Variants in STK32B observed in about 807,000 individuals in gnomAD.
STK32B encodes serine/threonine-protein kinase 32B.
Under a neutral mutation model 52.6 loss-of-function variants are expected in STK32B, and 43 were observed. That is an observed-to-expected ratio of 0.82 (90% CI 0.64 to 1.05). The LOEUF (loss-of-function observed/expected upper bound fraction) is 1.05, where lower values mean the gene tolerates loss of function less well. Ranked by LOEUF, STK32B falls within the 50% of genes least tolerant of loss-of-function variation. STK32B has a pLI of 0.00. For synonymous variants in STK32B, 238 were observed against 204.3 expected (o/e 1.17, Z -1.41); for missense variants, 621 against 534.6 (o/e 1.16, Z -1.59).
intron 3 of STK32B, among the ~76,000 whole-genome samples, chr4:5,301,931 T>C (rs1001892954): frequency 6.6e-6 from 1 of 151,784 alleles, no homozygotes; most frequent in African/African-American, 2.4e-5. Context: ...ATTATGTAGT[T>C]ACTGATAAGG....
intron 1 of STK32B, among the ~76,000 whole-genome samples, chr4:5,110,607 C>T (rs1714352854): frequency 6.6e-6 from 1 of 152,090 alleles, no homozygotes; most frequent in African/African-American, 2.4e-5. Context: ...CAAAAGTTAA[C>T]TCAACATGGA....
chr4:5,042,286 C>T, the STK32B span, among the ~76,000 whole-genome samples: 52 of 152,304 alleles, frequency 3.4e-4, no homozygotes, highest in East Asian at 5.4e-3. Flanking sequence ...CCATAGTCTA[C>T]GTTCTGGGAA....
At chr4:5,408,775 A>C (rs11737848) in intron 5 of STK32B, among the ~76,000 whole-genome samples, 6,917 of 152,158 alleles carry the variant, frequency 0.045, 164 homozygotes, top group South Asian at 0.096. Context: ...ACCTGTCTGG[A>C]AAAGAGCCCC....
At chr4:5,448,364 T>C (rs1289811945) in intron 7 of STK32B, among the ~76,000 whole-genome samples, 39 of 152,232 alleles carry the variant, frequency 2.6e-4, no homozygotes. Context: ...TTTCCTTTGA[T>C]ATATATACTC....
At chr4:5,101,298 G>A (rs903366321) in intron 1 of STK32B, among the ~76,000 whole-genome samples, 3 of 152,148 alleles carry the variant, frequency 2.0e-5, no homozygotes, top group East Asian at 1.9e-4. Flanking sequence ...GCACTGTTCC[G>A]CAGCATGCCT....
intron 3 of STK32B, among the ~76,000 whole-genome samples, chr4:5,311,392 G>C (rs1730278606): frequency 6.6e-6 from 1 of 151,872 alleles, no homozygotes; most frequent in African/African-American, 2.4e-5. Context: ...AAATTAAAAA[G>C]AGCAAAATAA....
intron 3 of STK32B, among the ~76,000 whole-genome samples, chr4:5,203,279 A>G (rs1377846786): frequency 6.6e-6 from 1 of 152,192 alleles, no homozygotes; most frequent in Non-Finnish European, 1.5e-5. Context: ...CTCCAGAGGA[A>G]TTAAATTACT....
chr4:5,254,976 A>G (rs1577252410), intron 3 of STK32B, among the ~76,000 whole-genome samples: 1 of 151,374 alleles, frequency 6.6e-6, no homozygotes, highest in African/African-American at 2.5e-5. Flanking sequence ...ATATATATAT[A>G]TGTTTATTGA....
chr4:5,481,780 T>C (rs1718733783), intron 11 of STK32B, among the ~76,000 whole-genome samples: 1 of 152,220 alleles, frequency 6.6e-6, no homozygotes, highest in South Asian at 2.1e-4. Flanking sequence ...AAGGAAGGGA[T>C]CCAGTTTCGG....
At chr4:5,265,472 A>G (rs1352840742) in intron 3 of STK32B, among the ~76,000 whole-genome samples, 1 of 152,174 alleles carries the variant, frequency 6.6e-6, no homozygotes, top group South Asian at 2.1e-4. Context: ...GCCGCCATCC[A>G]TCCACCTCCA....
chr4:5,458,275 G>A (rs1192036579), intron 8 of STK32B, among the ~76,000 whole-genome samples: 4 of 152,192 alleles, frequency 2.6e-5, no homozygotes, highest in African/African-American at 9.6e-5. Context: ...GCATGGAGCT[G>A]AGTCTTGCAT....
At chr4:5,477,362 TG>T (rs1718321527) in intron 11 of STK32B, among the ~76,000 whole-genome samples, 1 of 152,084 alleles carries the variant, frequency 6.6e-6, no homozygotes. Context: ...ACCTCTGTGT[TG>T]AATTGAATTG....
At chr4:5,097,977 C>G (rs1170997159) in intron 1 of STK32B, among the ~76,000 whole-genome samples, 3 of 152,204 alleles carry the variant, frequency 2.0e-5, no homozygotes, top group Non-Finnish European at 4.4e-5. Context: ...AGGTACTGGC[C>G]AGTCTATAAC....
At chr4:5,020,768 C>T in the STK32B span, among the ~76,000 whole-genome samples, 2 of 152,060 alleles carry the variant, frequency 1.3e-5, no homozygotes, top group South Asian at 2.1e-4. Flanking sequence ...TAACACTGAA[C>T]ATGACTTACA....
In STK32B at chr4:5,232,458, C is replaced by T. The variant is rs9884118; in HGVS notation, c.260+64008C>T. On this transcript the variant is annotated intron_variant, in intron 3 of 11. Coordinates refer to ENST00000282908, the MANE Select transcript of STK32B (RefSeq NM_018401.3). ...TTGTTTCTTTCACAATTGAGGGACA[C>T]GATAATTTCAGTTGGATGTGAAAAA... Among the ~76,000 whole-genome samples, 1,042 of 152,230 alleles carry T rather than the reference C, an allele frequency of 6.8e-3. 15 individuals carry two copies. The East Asian group carries it at 0.069, about 10-fold the overall frequency.
chr4:5,454,193 C>T (rs977141568), intron 7 of STK32B, among the ~76,000 whole-genome samples: 1 of 152,216 alleles, frequency 6.6e-6, no homozygotes, highest in African/African-American at 2.4e-5. Context: ...GGAGCAGAGT[C>T]AAAGTCAGCC....
chr4:5,032,125 T>G, the STK32B span, among the ~76,000 whole-genome samples: 1 of 151,242 alleles, frequency 6.6e-6, no homozygotes, highest in Non-Finnish European at 1.5e-5. Flanking sequence ...TCCTTTGAAA[T>G]TAGAACTTGA....
chr4:5,148,296 A>T (rs1360248650), intron 2 of STK32B, among the ~76,000 whole-genome samples: 1 of 151,540 alleles, frequency 6.6e-6, no homozygotes, highest in Non-Finnish European at 1.5e-5. Flanking sequence ...TATTTTCTTC[A>T]TCAGTTTATA....
chr4:5,159,745 ATGAATG>A lies in STK32B; in HGVS notation c.109-8552_109-8547del, dbSNP rs1445471667. ...TGTATATGAATATATATATGAATAT[ATGAATG>A]TATATGAATATATATATGAATATAT... On this transcript the variant is annotated intron_variant, in intron 2 of 11. Coordinates refer to ENST00000282908, the MANE Select transcript of STK32B (RefSeq NM_018401.3). Among the ~76,000 whole-genome samples the A allele has an allele frequency of 8.2e-4, 112 of 137,024 alleles. 4 individuals carry two copies. Among genetic ancestry groups the A allele is most frequent in the African/African-American group, 3.0e-3 (108 of 35,520 alleles). 89.9% of individuals were successfully genotyped at this position (137,024 alleles called of 152,430 possible). A position where few individuals can be genotyped will look rare whatever the true frequency, so the allele number is the denominator to read the frequency against.
Sources: allele counts gnomAD v4.1 joint callset (sites outside exome capture counted in the v4.1 genomes callset), GRCh38; gene constraint gnomAD v4.1.1; transcripts MANE v1.5; gene names NCBI Gene and HGNC (gene_info 2026-07-23, HGNC 2026-07-21).